MCCC2: variants seen among roughly 807,000 people sequenced by gnomAD.
MCCC2 encodes the protein methylcrotonoyl-CoA carboxylase beta chain, mitochondrial.
In MCCC2, 52 loss-of-function variants were observed where a neutral mutation model predicts 77.2. That is an observed-to-expected ratio of 0.67 (90% confidence interval 0.54 to 0.85). The LOEUF (loss-of-function observed/expected upper bound fraction) is 0.85. Among genes scored for constraint, MCCC2 ranks in the 40% least tolerant of loss-of-function variants. The pLI, the probability that MCCC2 is intolerant of heterozygous loss-of-function variation, is 0.00. For synonymous variants in MCCC2, 253 were observed against 248.4 expected (o/e 1.02, Z -0.18); for missense variants, 682 against 703.2 (o/e 0.97, Z 0.34).
chr5:71,638,616 G>T (rs897450732), intron 10 of MCCC2, among the ~76,000 whole-genome samples: 10 of 152,044 alleles, frequency 6.6e-5, no homozygotes, highest in Non-Finnish European at 1.0e-4. Context: ...TATCTTCCAG[G>T]TTCAAGCAAT....
intron 6 of MCCC2, among the ~76,000 whole-genome samples, chr5:71,623,865 G>A (rs1230072673): frequency 3.3e-5 from 5 of 152,140 alleles, no homozygotes; most frequent in African/African-American, 1.2e-4. Flanking sequence ...TAAAATTCCC[G>A]GAAGTAGATA....
rs1042972919 is a variant in MCCC2 at position 71,657,427 on chromosome 5, T to C, written c.*567T>C. 2.0e-5 allele frequency: 3 copies of C among 153,004 alleles called. No individual in the cohort carries two copies. Among genetic ancestry groups the C allele is most frequent in the Admixed American group, 6.5e-5 (1 of 15,340 alleles). The allele number at this position is 153,004 out of a possible 1,614,324, so 9.5% of individuals were successfully genotyped here. A position where few individuals can be genotyped will look rare whatever the true frequency, so the allele number is the denominator to read the frequency against. On this transcript the variant is annotated 3_prime_UTR_variant, in exon 17 of 17. Transcript: ENST00000340941. ...CTCCCCCGAGCCCATGACATCTCCT[T>C]ATTATTATTTTTTTTTTGAGACAGG...
Position 71,587,397 on chromosome 5 carries a change from G to A in MCCC2, c.-29G>A. The A allele has an allele frequency of 6.5e-7, 1 of 1,532,172 alleles. No homozygotes were observed. The highest frequency in any genetic ancestry group is 1.2e-5 in the South Asian group (1 of 83,688). The allele number at this position is 1,532,172 out of a possible 1,614,324, so 94.9% of individuals were successfully genotyped here. On this transcript the variant is annotated 5_prime_UTR_variant, in exon 1 of 17. Coordinates refer to ENST00000340941, the MANE Select transcript of MCCC2 (RefSeq NM_022132.5). ...AAAGCACCGGCTCCAGGCCAGCGTG[G>A]GCCGCTCTCTCGCTCGGTGCCCGCC...
At chr5:71,655,983 G>C (rs1290359309) in intron 16 of MCCC2, among the ~76,000 whole-genome samples, 1 of 152,218 alleles carries the variant, frequency 6.6e-6, no homozygotes, top group African/African-American at 2.4e-5. Context: ...GGGAGGCTGA[G>C]GTGGGCGGAT....
rs182810876 is a variant in MCCC2, at chr5:71,588,172, G to A, written c.129+618G>A. Among the ~76,000 whole-genome samples, 182 of 152,060 alleles carry A rather than the reference G, an allele frequency of 1.2e-3. 1 individual carries two copies. The highest frequency in any genetic ancestry group is 4.3e-3 in the African/African-American group (177 of 41,464). On this transcript the variant is annotated intron_variant, in intron 1 of 16. Transcript: ENST00000340941. ...TAATCCCAGCTACCTGGGAGGCTGAGGCAGGGGAATCGCTTGAACTTGGGA... is the reference window on the plus strand; with the variant it reads ...TAATCCCAGCTACCTGGGAGGCTGAAGCAGGGGAATCGCTTGAACTTGGGA...
intron 15 of MCCC2, among the ~76,000 whole-genome samples, chr5:71,650,533 C>T (rs1187733064): frequency 1.3e-5 from 2 of 152,118 alleles, no homozygotes; most frequent in African/African-American, 2.4e-5. Flanking sequence ...GCCGCAATCT[C>T]GGTTCACTGC....
rs1745347999 is a variant in MCCC2, at chr5:71,599,727, G to GT, written c.351dup (p.Gly118TrpfsTer20). On this transcript the variant is annotated frameshift_variant, in exon 4 of 17. Transcript: ENST00000340941. LOFTEE classifies it high-confidence loss of function. ...TATGACAATGAGGAGGTGCCAGGAG[G>GT]TGGCATTATTACAGGCATTGGAAGA... The GT allele has an allele frequency of 6.2e-7, 1 of 1,613,978 alleles. No homozygotes were observed. The highest frequency in any genetic ancestry group is 1.3e-5 in the African/African-American group (1 of 74,934).
At chr5:71,638,334 A>C (rs1416052822) in intron 10 of MCCC2, among the ~76,000 whole-genome samples, 24 of 152,214 alleles carry the variant, frequency 1.6e-4, no homozygotes. Context: ...TGAGGGTTGG[A>C]ATCAACTTCT....
At chr5:71,629,547 TTA>T (rs1296873015) in intron 7 of MCCC2, among the ~76,000 whole-genome samples, 1 of 152,216 alleles carries the variant, frequency 6.6e-6, no homozygotes, top group Non-Finnish European at 1.5e-5. Context: ...TCATCTTTGG[TTA>T]TGGAATACTA....
chr5:71,593,031 T>A, intron 2 of MCCC2, 39 bp downstream of exon 2: 1 of 1,470,728 alleles, frequency 6.8e-7, no homozygotes, highest in Non-Finnish European at 9.5e-7. Flanking sequence ...TGCCTTTACT[T>A]AAGATGTCCT....
intron 10 of MCCC2, among the ~76,000 whole-genome samples, chr5:71,639,668 C>T (rs1397972521): frequency 6.6e-6 from 1 of 152,150 alleles, no homozygotes; most frequent in Non-Finnish European, 1.5e-5. Context: ...AATTGTAATG[C>T]AAATACAACA....
At chr5:71,644,028 C>T (rs562122253) in intron 12 of MCCC2, 133 bp downstream of exon 12, 49 of 859,544 alleles carry the variant, frequency 5.7e-5, no homozygotes, top group African/African-American at 1.8e-4. Flanking sequence ...ACTGTGTGCG[C>T]GGGCATGTGT....
chr5:71,654,837 A>ATT (rs201819772), intron 16 of MCCC2, among the ~76,000 whole-genome samples: 8 of 140,564 alleles, frequency 5.7e-5, no homozygotes, highest in Non-Finnish European at 3.1e-5. Flanking sequence ...GGATCTGTAG[A>ATT]TTTTTTTTTT....
At chr5:71,618,242 C>G (rs1746233954) in intron 6 of MCCC2, among the ~76,000 whole-genome samples, 2 of 152,070 alleles carry the variant, frequency 1.3e-5, no homozygotes, top group South Asian at 4.1e-4. Flanking sequence ...ATGGTGGCAC[C>G]TTTGGGAGGT....
intron 6 of MCCC2, among the ~76,000 whole-genome samples, chr5:71,609,156 A>G (rs1232204872): frequency 3.3e-5 from 5 of 152,046 alleles, no homozygotes; most frequent in Admixed American, 1.3e-4. Flanking sequence ...AATATCCTGC[A>G]GAGTGTTTTC....
In MCCC2 at chr5:71,650,115, G is replaced by A. The variant is rs1469473410; in HGVS notation, c.1420G>A (p.Gly474Arg). The stretch of plus-strand genomic sequence containing the variant: ...GCCAAATGCTCGTATCTCAGTGATG[G>A]GAGGAGAGCAGGCAGCCAATGTGTT... ...IWPNARISVM[G>R]GEQAANVLAT... Residue 474 changes from glycine to arginine, a missense_variant, in exon 15 of 17, where the codon GGA becomes AGA. By Grantham distance (125) the Gly-to-Arg change is moderately radical. Transcript: ENST00000340941. The A allele has an allele frequency of 6.2e-7, 1 of 1,614,176 alleles. No individual in the cohort carries two copies.
At chr5:71,598,071 C>CT (rs541775693) in intron 3 of MCCC2, among the ~76,000 whole-genome samples, 2,868 of 129,480 alleles carry the variant, frequency 0.022, 42 homozygotes, top group East Asian at 0.033. Context: ...GTGAGTGTTT[C>CT]TTTTTTTTTT....
chr5:71,641,315 C>T (rs1747116384), intron 11 of MCCC2: 3 of 504,520 alleles, frequency 5.9e-6, no homozygotes, highest in Admixed American at 7.1e-5. Flanking sequence ...CTATCTGTGA[C>T]TTTGTGACAT....
chr5:71,593,142 C>T, intron 2 of MCCC2, 150 bp downstream of exon 2: 1 of 683,306 alleles, frequency 1.5e-6, no homozygotes, highest in South Asian at 1.8e-5. Flanking sequence ...GGCTGGAGTG[C>T]AGTGGCGCCA....
Sources: allele counts gnomAD v4.1 joint callset (sites outside exome capture counted in the v4.1 genomes callset), GRCh38; gene constraint gnomAD v4.1.1; transcripts MANE v1.5; gene names NCBI Gene and HGNC (gene_info 2026-07-23, HGNC 2026-07-21).